The following DENND1C variants were observed in gnomAD, a reference collection of about 807,000 sequenced individuals.
DENND1C encodes the protein DENN domain containing 1C.
DENND1C carries 64 observed loss-of-function variants against 87.9 expected under a neutral mutation model. The ratio of observed to expected loss-of-function variants is 0.73; its 90% CI spans 0.60 to 0.90. The LOEUF (loss-of-function observed/expected upper bound fraction) is 0.90, where lower values mean the gene tolerates loss of function less well. Ranked by LOEUF, DENND1C falls within the 40% of genes least tolerant of loss-of-function variation. The pLI is 0.00. For missense variants in DENND1C, 980 were observed against 1,037.0 expected, an observed-to-expected ratio of 0.95 and a Z score of 0.76; for synonymous variants, 384 against 424.4, an observed-to-expected ratio of 0.90 and a Z score of 1.17.
chr19:6,479,890 A>G lies in DENND1C; in HGVS notation c.95T>C (p.Leu32Pro), dbSNP rs1482916144. 1.2e-6 allele frequency: 2 copies of G among 1,606,352 alleles called. No individual in the cohort carries two copies. The highest frequency in any genetic ancestry group is 8.5e-7 in the Non-Finnish European group (1 of 1,176,592). Reference protein sequence around the residue: ...PASLQEDPPILRQFPPDFRDQ... With the variant: ...PASLQEDPPIPRQFPPDFRDQ... Reference sequence around the variant, plus strand: ...CCTGAAGTCTGGAGGGAACTGCCGCAGGATGGGGGGATCTGTAGAAGAGAG... The same window carrying G: ...CCTGAAGTCTGGAGGGAACTGCCGCGGGATGGGGGGATCTGTAGAAGAGAG... Residue 32 changes from leucine (L) to proline (P), a missense_variant, in exon 3 of 23, where the codon CTG (leucine) becomes CCG (proline). By Grantham distance (98) the Leu-to-Pro change is moderately conservative (BLOSUM62 -3). Coordinates refer to ENST00000381480, the MANE Select transcript of DENND1C (RefSeq NM_024898.4).
chr19:6,475,977 C>G, intron 10 of DENND1C, 40 bp from the exon 11 acceptor site: 1 of 1,496,808 alleles, frequency 6.7e-7, no homozygotes, highest in South Asian at 1.3e-5. Context: ...GGGCCTGGAC[C>G]CTCTAGCGCG....
chr19:6,474,832 C>T (rs1253803367), intron 14 of DENND1C, among the ~76,000 whole-genome samples: 2 of 151,976 alleles, frequency 1.3e-5, no homozygotes, highest in East Asian at 3.9e-4. Context: ...ACTTTAGGAG[C>T]CTGATGCGGG....
chr19:6,480,933 G>C (rs529055663), intron 1 of DENND1C, among the ~76,000 whole-genome samples: 1 of 151,604 alleles, frequency 6.6e-6, no homozygotes, highest in East Asian at 1.9e-4. Flanking sequence ...GTATAGATGT[G>C]AGTGTGTGTG....
intron 14 of DENND1C, 61 bp downstream of exon 14, chr19:6,475,213 G>GA: frequency 6.2e-7 from 1 of 1,605,352 alleles, no homozygotes; most frequent in Non-Finnish European, 8.5e-7. Flanking sequence ...TGTACCTATC[G>GA]TTACATTGCG....
chr19:6,479,392 A>G (rs1243780128), intron 4 of DENND1C, among the ~76,000 whole-genome samples: 39 of 132,068 alleles, frequency 3.0e-4, no homozygotes, highest in African/African-American at 1.5e-3. Flanking sequence ...AAGTCCCTGA[A>G]TCCTTGTGTC....
chr19:6,475,270 T>C lies in DENND1C; in HGVS notation c.1053+4A>G, dbSNP rs1308964279. Reference sequence around the variant, plus strand: ...ACCTCTCCCGCAGCGTCCCCGCTGCTCACCGGGCTGCAGACGAGTGCGTCG... The same window carrying C: ...ACCTCTCCCGCAGCGTCCCCGCTGCCCACCGGGCTGCAGACGAGTGCGTCG... On this transcript the variant is annotated splice_donor_region_variant and intron_variant, in intron 14 of 22. Coordinates refer to ENST00000381480, the MANE Select transcript of DENND1C (RefSeq NM_024898.4). 2 of 1,613,068 alleles carry C rather than the reference T, an allele frequency of 1.2e-6. No individual in the cohort carries two copies. The highest frequency in any genetic ancestry group is 2.2e-5 in the South Asian group (2 of 91,076).
intron 9 of DENND1C, 27 bp downstream of exon 9, chr19:6,477,047 C>A (rs1235470628): frequency 6.2e-7 from 1 of 1,612,728 alleles, no homozygotes. Flanking sequence ...GACCTGTTCT[C>A]ACCCCCAGAG....
At chr19:6,481,636 C>G (rs575755441) in intron 1 of DENND1C, 43 bp downstream of exon 1, 6 of 1,611,812 alleles carry the variant, frequency 3.7e-6, no homozygotes, top group Middle Eastern at 1.7e-4. Flanking sequence ...AGGCCTGGCC[C>G]GGGAATCTTG....
chr19:6,468,585 C>T lies in DENND1C; in HGVS notation c.1576G>A (p.Gly526Arg). 6.5e-7 allele frequency: 1 copy of T among 1,533,834 alleles called. No individual in the cohort carries two copies. Among genetic ancestry groups the T allele is most frequent in the South Asian group, 1.3e-5 (1 of 78,080 alleles). ...QLEEGTSEPPGAGTPPLSPED... is the reference protein window; with the variant it reads ...QLEEGTSEPPRAGTPPLSPED... ...GTTCCCTTTTTGCCTTACCCCGCCCCTGGGGGCTCGGAAGTTCCCTCTTCC... is the reference window on the plus strand; with the variant it reads ...GTTCCCTTTTTGCCTTACCCCGCCCTTGGGGGCTCGGAAGTTCCCTCTTCC... Residue 526 changes from glycine (G) to arginine (R), a missense_variant, in exon 21 of 23, where the codon GGG (glycine) becomes AGG (arginine). Transcript: ENST00000381480.
chr19:6,480,561 CCTATCTAT>C (rs71174917), intron 1 of DENND1C: 12,866 of 123,562 alleles, frequency 0.1, 822 homozygotes, highest in East Asian at 0.2. Flanking sequence ...CACCCACCCA[CCTATCTAT>C]CTATCTATCT....
chr19:6,469,031 C>T (rs1599376927), intron 19 of DENND1C, 78 bp from the exon 20 acceptor site: 3 of 679,714 alleles, frequency 4.4e-6, no homozygotes, highest in South Asian at 6.1e-5. Context: ...TTTAGTTAGT[C>T]TTTTTTTTTT....
At chr19:6,476,106 G>T in intron 10 of DENND1C, 169 bp from the exon 11 acceptor site, 1 of 667,656 alleles carries the variant, frequency 1.5e-6, no homozygotes, top group Non-Finnish European at 2.4e-6. Flanking sequence ...CCAGGAATTT[G>T]GCCACTTACA....
At chr19:6,468,694 G>T (rs777891035) in intron 20 of DENND1C, 49 bp from the exon 21 acceptor site, 5 of 1,424,630 alleles carry the variant, frequency 3.5e-6, no homozygotes, top group Non-Finnish European at 4.6e-6. Context: ...AGAATCGGGG[G>T]GCTGAGGCTT....
chr19:6,475,470 G>C lies in DENND1C; in HGVS notation c.927+14C>G, dbSNP rs2092853599. On this transcript the variant is annotated intron_variant, in intron 13 of 22. Transcript: ENST00000381480. ...CGCCTCCCGGGGCAGGAAGGTGGGA[G>C]GGGCGACACTGACCACGTCTGGAGG... 6.2e-7 allele frequency: 1 copy of C among 1,613,822 alleles called. No homozygotes were observed.
chr19:6,470,614 TTTTTTG>T (rs1393031001), intron 17 of DENND1C, among the ~76,000 whole-genome samples: 10 of 126,306 alleles, frequency 7.9e-5, no homozygotes, highest in African/African-American at 2.7e-4. Context: ...AGAACAGTTT[TTTTTTG>T]TTTTTTTTTT....
chr19:6,473,521 A>G (rs1453862301), intron 14 of DENND1C, among the ~76,000 whole-genome samples: 2 of 140,822 alleles, frequency 1.4e-5, no homozygotes, highest in Non-Finnish European at 3.0e-5. Flanking sequence ...CCCGTGCTGG[A>G]GTGCAGTGGT....
At chr19:6,476,746 G>A (rs1414435115) in intron 10 of DENND1C, 111 bp downstream of exon 10, 2 of 1,113,976 alleles carry the variant, frequency 1.8e-6, no homozygotes, top group South Asian at 1.6e-5. Context: ...CCAGGACTTC[G>A]CCCTCGGGTC....
At chr19:6,481,376 C>T (rs1368761079) in intron 1 of DENND1C, among the ~76,000 whole-genome samples, 3 of 152,064 alleles carry the variant, frequency 2.0e-5, no homozygotes, top group South Asian at 2.1e-4. Context: ...TGTGGACCCC[C>T]TGAAGCCATC....
intron 18 of DENND1C, 27 bp from the exon 19 acceptor site, chr19:6,469,667 C>T (rs1423907729): frequency 6.3e-7 from 1 of 1,594,346 alleles, no homozygotes; most frequent in Admixed American, 1.7e-5. Context: ...AGAGAATTAC[C>T]CAAGGGTGGT....
Sources: gnomAD v4.1 joint callset for allele counts (sites outside exome capture counted in the v4.1 genomes callset) on GRCh38, gnomAD v4.1.1 for gene constraint, MANE v1.5 for transcripts, NCBI Gene and HGNC (gene_info 2026-07-23, HGNC 2026-07-21) for gene names.